Variants in RNF150 observed in about 807,000 individuals in gnomAD.
RNF150 encodes ring finger protein 150.
In RNF150, 24 loss-of-function variants were observed where a neutral mutation model predicts 39.3. The observed-to-expected ratio is 0.61, with a 90% CI of 0.44 to 0.86. The LOEUF (loss-of-function observed/expected upper bound fraction) is 0.86, where lower values mean the gene tolerates loss of function less well. RNF150 is among the 40% of genes least tolerant of loss of function. RNF150 has a pLI of 0.00. For synonymous variants in RNF150, 255 were observed against 227.3 expected (o/e 1.12, Z -1.10); for missense variants, 502 against 587.8 (o/e 0.85, Z 1.51).
At chr4:141,023,224 AGATGATGATGAT>A (rs34239783) in intron 1 of RNF150, among the ~76,000 whole-genome samples, 6 of 150,372 alleles carry the variant, frequency 4.0e-5, no homozygotes, top group South Asian at 2.1e-4. Context: ...GAAACTGGTG[AGATGATGATGAT>A]GATGATGATG....
intron 1 of RNF150, among the ~76,000 whole-genome samples, chr4:141,171,488 G>A (rs1190660645): frequency 6.7e-6 from 1 of 149,796 alleles, no homozygotes; most frequent in Non-Finnish European, 1.5e-5. Flanking sequence ...GAGAGAGAGA[G>A]AGAGAAAGTG....
At chr4:141,033,623 G>C (rs1454860795) in intron 1 of RNF150, among the ~76,000 whole-genome samples, 1 of 152,134 alleles carries the variant, frequency 6.6e-6, no homozygotes, top group Non-Finnish European at 1.5e-5. Flanking sequence ...CTTAAAAAAT[G>C]TATTTCTTAA....
At chr4:141,183,915 C>T (rs1191965751) in intron 1 of RNF150, among the ~76,000 whole-genome samples, 1 of 152,238 alleles carries the variant, frequency 6.6e-6, no homozygotes, top group South Asian at 2.1e-4. Context: ...CATTGATGGG[C>T]ATTTGGGTTG....
At chr4:140,989,340 C>T (rs1443074880) in intron 1 of RNF150, among the ~76,000 whole-genome samples, 1 of 152,162 alleles carries the variant, frequency 6.6e-6, no homozygotes, top group South Asian at 2.1e-4. Context: ...GATGTTAAGC[C>T]GATCACCAAA....
chr4:141,094,334 A>C (rs73849808), intron 1 of RNF150, among the ~76,000 whole-genome samples: 2,159 of 152,394 alleles, frequency 0.014, 48 homozygotes, highest in African/African-American at 0.05. Flanking sequence ...ACTTCTACCA[A>C]GTAGTGACTA....
intron 2 of RNF150, among the ~76,000 whole-genome samples, chr4:140,965,924 T>C (rs1165978231): frequency 2.0e-5 from 3 of 152,160 alleles, no homozygotes; most frequent in African/African-American, 7.2e-5. Flanking sequence ...CAAAAAACTA[T>C]GTGAGACAAT....
intron 1 of RNF150, among the ~76,000 whole-genome samples, chr4:141,188,319 T>C (rs1728048233): frequency 6.6e-6 from 1 of 152,182 alleles, no homozygotes; most frequent in Non-Finnish European, 1.5e-5. Context: ...CTGACAATTA[T>C]GTGTCTTGGT....
intron 4 of RNF150, among the ~76,000 whole-genome samples, chr4:140,938,254 C>T (rs776476425): frequency 2.0e-5 from 3 of 152,016 alleles, no homozygotes; most frequent in East Asian, 1.9e-4. Context: ...TTGATGGTAA[C>T]GCTAAGTTTT....
At chr4:141,032,233 T>C (rs1735977189) in intron 1 of RNF150, among the ~76,000 whole-genome samples, 1 of 151,718 alleles carries the variant, frequency 6.6e-6, no homozygotes, top group Admixed American at 6.6e-5. Flanking sequence ...CTAAAACAAG[T>C]AGAACTCATG....
At chr4:141,126,005 G>T (rs180728572) in intron 1 of RNF150, among the ~76,000 whole-genome samples, 4 of 152,136 alleles carry the variant, frequency 2.6e-5, no homozygotes, top group African/African-American at 7.2e-5. Context: ...ATGAATTATG[G>T]CTTTTAATAA....
intron 1 of RNF150, among the ~76,000 whole-genome samples, chr4:141,027,006 C>A (rs529040282): frequency 3.3e-4 from 51 of 152,286 alleles, no homozygotes; most frequent in African/African-American, 1.2e-3. Flanking sequence ...ACTCGCTAAA[C>A]CAGACTGAAG....
chr4:140,903,424 G>A (rs1237336837), intron 6 of RNF150, among the ~76,000 whole-genome samples: 5 of 152,044 alleles, frequency 3.3e-5, no homozygotes, highest in Admixed American at 3.3e-4. Flanking sequence ...CTGAATGATG[G>A]CACTTCCCCA....
chr4:141,174,587 G>C (rs1432996910), intron 1 of RNF150, among the ~76,000 whole-genome samples: 4 of 152,178 alleles, frequency 2.6e-5, no homozygotes, highest in Admixed American at 6.5e-5. Flanking sequence ...CAAAGGATCA[G>C]ATATTATTGG....
intron 6 of RNF150, among the ~76,000 whole-genome samples, chr4:140,875,548 C>T (rs1405149004): frequency 6.6e-6 from 1 of 152,022 alleles, no homozygotes; most frequent in African/African-American, 2.4e-5. Context: ...GGGGATTAGG[C>T]ATTTAAAATT....
In RNF150 at chr4:140,865,635, C is replaced by G. The variant is rs933659386; in HGVS notation, c.*2626G>C. 4.7e-5 allele frequency: 7 copies of G among 149,390 alleles called. No homozygotes were observed. The highest frequency in any genetic ancestry group is 1.7e-4 in the African/African-American group (7 of 40,166). The allele number at this position is 149,390 out of a possible 1,614,324, so 9.3% of individuals were successfully genotyped here. A position where few individuals can be genotyped will look rare whatever the true frequency, so the allele number is the denominator to read the frequency against. The stretch of plus-strand genomic sequence containing the variant: ...TTTGGTAAGTAGTGAATGGCAAAGG[C>G]TCAGGGGGTTTGCAGCAGGACCTCC... On this transcript the variant is annotated 3_prime_UTR_variant, in exon 7 of 7. Transcript: ENST00000515673.
At chr4:140,992,437 G>T (rs1157421450) in intron 1 of RNF150, among the ~76,000 whole-genome samples, 1 of 152,000 alleles carries the variant, frequency 6.6e-6, no homozygotes, top group African/African-American at 2.4e-5. Flanking sequence ...GGAAAAAAAA[G>T]GAATAAAACA....
chr4:140,940,048 T>C (rs190055205), intron 4 of RNF150, among the ~76,000 whole-genome samples: 1 of 152,312 alleles, frequency 6.6e-6, no homozygotes, highest in Admixed American at 6.5e-5. Context: ...CAGTGTGTTG[T>C]GTATAAAGCA....
At chr4:141,104,855 G>A (rs1395668) in intron 1 of RNF150, among the ~76,000 whole-genome samples, 116,831 of 152,104 alleles carry the variant, frequency 0.77, 45,939 homozygotes, top group East Asian at 0.88. Context: ...GACCTGAATA[G>A]AGATTTTGGC....
intron 1 of RNF150, among the ~76,000 whole-genome samples, chr4:141,011,955 A>C (rs1735090612): frequency 6.6e-6 from 1 of 152,248 alleles, no homozygotes; most frequent in African/African-American, 2.4e-5. Context: ...CTGAAGAACA[A>C]AGAACACTCT....
Sources: gnomAD v4.1 joint callset for allele counts (sites outside exome capture counted in the v4.1 genomes callset) on GRCh38, gnomAD v4.1.1 for gene constraint, MANE v1.5 for transcripts, NCBI Gene and HGNC (gene_info 2026-07-23, HGNC 2026-07-21) for gene names.